Variants in ZFAT observed in about 807,000 individuals in gnomAD.
The protein encoded by ZFAT is zinc finger and AT-hook domain containing.
In ZFAT, 64 loss-of-function variants were observed where a neutral mutation model predicts 117.7. The ratio of observed to expected loss-of-function variants is 0.54; its 90% CI spans 0.44 to 0.67. The LOEUF (loss-of-function observed/expected upper bound fraction) is 0.67. Among genes scored for constraint, ZFAT ranks in the 30% least tolerant of loss-of-function variants. The pLI is 0.00. For missense variants in ZFAT, 1,433 were observed against 1,584.5 expected (o/e 0.90, Z 1.62); for synonymous variants, 679 against 615.0 (o/e 1.10, Z -1.54).
At chr8:134,584,183 G>A (rs186987612) in intron 9 of ZFAT, among the ~76,000 whole-genome samples, 178 bp from the exon 10 acceptor site, 16 of 152,134 alleles carry the variant, frequency 1.1e-4, no homozygotes, top group African/African-American at 3.4e-4. Context: ...CACTTTCCAC[G>A]CCAGGTTCTT....
chr8:134,558,934 C>T (rs1823853938), intron 11 of ZFAT, among the ~76,000 whole-genome samples: 1 of 152,200 alleles, frequency 6.6e-6, no homozygotes, highest in Admixed American at 6.5e-5. Flanking sequence ...CTGTGCTTTG[C>T]TATGAGACCT....
chr8:134,551,080 G>C, intron 11 of ZFAT, among the ~76,000 whole-genome samples: 1 of 152,294 alleles, frequency 6.6e-6, no homozygotes, highest in East Asian at 1.9e-4. Flanking sequence ...AGTCTTGATA[G>C]CTAAACATAC....
At chr8:134,724,593 C>A in the ZFAT span, among the ~76,000 whole-genome samples, 3 of 151,930 alleles carry the variant, frequency 2.0e-5, no homozygotes, top group African/African-American at 4.8e-5. Flanking sequence ...ATGGGTTGAA[C>A]AGCAGCCCTG....
chr8:134,827,265 G>C, the ZFAT span, among the ~76,000 whole-genome samples: 4 of 151,972 alleles, frequency 2.6e-5, no homozygotes, highest in African/African-American at 9.7e-5. Context: ...GGCTGGTCTT[G>C]AATTCCTGAG....
the ZFAT span, chr8:134,792,746 C>G: frequency 6.6e-6 from 1 of 152,182 alleles, no homozygotes; most frequent in Admixed American, 6.5e-5. Flanking sequence ...ATAGCTTGAT[C>G]ACTGTCATAT....
chr8:134,503,890 C>T (rs1819179951), intron 15 of ZFAT, among the ~76,000 whole-genome samples: 1 of 152,106 alleles, frequency 6.6e-6, no homozygotes, highest in Admixed American at 6.6e-5. Flanking sequence ...ACAGTCACAT[C>T]AGCCAATTCC....
At chr8:134,669,388 A>T (rs1025332541) in intron 1 of ZFAT, among the ~76,000 whole-genome samples, 2 of 152,242 alleles carry the variant, frequency 1.3e-5, no homozygotes, top group Non-Finnish European at 2.9e-5. Flanking sequence ...AGCCCATCTG[A>T]CTAACAACGG....
At chr8:134,682,472 T>C (rs995318184) in intron 1 of ZFAT, among the ~76,000 whole-genome samples, 2 of 151,986 alleles carry the variant, frequency 1.3e-5, no homozygotes, top group African/African-American at 4.8e-5. Context: ...CTAAGGGACA[T>C]GGCGAAACCT....
intron 10 of ZFAT, among the ~76,000 whole-genome samples, chr8:134,579,102 G>A (rs970693869): frequency 2.0e-5 from 3 of 152,216 alleles, no homozygotes; most frequent in Non-Finnish European, 2.9e-5. Flanking sequence ...CCGGGTCTAG[G>A]GACGAAGATT....
chr8:134,714,348 A>G (rs1476318529), upstream of ZFAT, among the ~76,000 whole-genome samples: 1 of 152,168 alleles, frequency 6.6e-6, no homozygotes, highest in Admixed American at 6.5e-5. Flanking sequence ...CTCTGTTTGC[A>G]CAGCGTTCAT....
chr8:134,588,301 G>A lies in ZFAT; in HGVS notation c.2658C>T (p.Asp886=). 6.3e-7 allele frequency: 1 copy of A among 1,580,348 alleles called. No homozygotes were observed. The highest frequency in any genetic ancestry group is 8.6e-7 in the Non-Finnish European group (1 of 1,161,736). Reference sequence around the variant, plus strand: ...CTGAGCCATTCTTCATGAAATAAAAGTCACAATATGGGCATTTCATGGCTC... The same window carrying A: ...CTGAGCCATTCTTCATGAAATAAAAATCACAATATGGGCATTTCATGGCTC... ...GKRAMKCPYC[D]FYFMKNGSDL... is the part of the protein sequence containing the mutation. The change falls in exon 9 of 16, where the codon GAC becomes GAT. Residue 886 remains aspartate, a synonymous_variant. Transcript: ENST00000377838.
chr8:134,620,979 T>G (rs906626554), intron 3 of ZFAT, among the ~76,000 whole-genome samples: 6 of 152,176 alleles, frequency 3.9e-5, no homozygotes, highest in Non-Finnish European at 7.3e-5. Context: ...TGCTTCTTCA[T>G]GTACATGTGC....
the ZFAT span, among the ~76,000 whole-genome samples, chr8:134,759,845 C>T: frequency 1.8e-4 from 27 of 151,738 alleles, no homozygotes; most frequent in African/African-American, 5.8e-4. Flanking sequence ...ATGGCAGGCA[C>T]CTGTAATTCC....
chr8:134,601,585 T>C lies in ZFAT; in HGVS notation c.2134A>G (p.Ile712Val), dbSNP rs767259517. Residue 712 changes from isoleucine (I) to valine (V), a missense_variant, in exon 6 of 16, where the codon ATC (isoleucine) becomes GTC (valine). Ile to Val is a conservative substitution (Grantham distance 29, BLOSUM62 3). Coordinates refer to ENST00000377838, the MANE Select transcript of ZFAT (RefSeq NM_020863.4). ...TTCAGGACCTTCATGAAAGCGGTGA[T>C]GCCTGACCGGTGCTCAGGGGCAGCT... is the stretch of plus-strand genomic sequence containing the variant. ...CKAAPEHRSGITAFMKVLNSL... is the reference protein window; with the variant it reads ...CKAAPEHRSGVTAFMKVLNSL... 47 of 1,614,130 alleles carry C rather than the reference T, an allele frequency of 2.9e-5. No individual in the cohort carries two copies.
chr8:134,740,249 G>C, the ZFAT span, among the ~76,000 whole-genome samples: 1 of 152,212 alleles, frequency 6.6e-6, no homozygotes, highest in Non-Finnish European at 1.5e-5. Flanking sequence ...CGCAGGAAGA[G>C]TGGCATCTGA....
the ZFAT span, chr8:134,804,950 T>C: frequency 1.0e-4 from 55 of 532,850 alleles, no homozygotes; most frequent in Non-Finnish European, 2.0e-4. Flanking sequence ...AACAACAGAC[T>C]TTCTGAACAA....
chr8:134,513,465 G>C (rs1820011922), intron 13 of ZFAT, among the ~76,000 whole-genome samples: 1 of 152,148 alleles, frequency 6.6e-6, no homozygotes, highest in Non-Finnish European at 1.5e-5. Flanking sequence ...GAGCCACCAC[G>C]CTCGGCTGTG....
upstream of ZFAT, among the ~76,000 whole-genome samples, chr8:134,714,953 C>T (rs13268530): frequency 0.13 from 20,457 of 152,158 alleles, 1,464 homozygotes; most frequent in Non-Finnish European, 0.16. Flanking sequence ...AGGTGGGGCC[C>T]ATCAGAATCT....
chr8:134,780,777 G>A, the ZFAT span, among the ~76,000 whole-genome samples: 1 of 152,142 alleles, frequency 6.6e-6, no homozygotes, highest in Admixed American at 6.6e-5. Flanking sequence ...AAAAAATGCA[G>A]GACCCAGGTC....
Sources: gnomAD v4.1 joint callset for allele counts (sites outside exome capture counted in the v4.1 genomes callset) on GRCh38, gnomAD v4.1.1 for gene constraint, MANE v1.5 for transcripts, NCBI Gene and HGNC (gene_info 2026-07-23, HGNC 2026-07-21) for gene names.